ANO6: variants seen among roughly 807,000 people sequenced by gnomAD.
ANO6 encodes anoctamin-6.
In ANO6, 106 loss-of-function variants were observed where a neutral mutation model predicts 117.5. That is an observed-to-expected ratio of 0.90 (90% CI 0.77 to 1.06). The LOEUF (loss-of-function observed/expected upper bound fraction) is 1.06, where lower values mean the gene tolerates loss of function less well. ANO6 is among the 50% of genes least tolerant of loss of function. ANO6 has a pLI of 0.00. For synonymous variants in ANO6, 367 were observed against 385.1 expected (o/e 0.95, Z 0.55); for missense variants, 955 against 1,121.1 (o/e 0.85, Z 2.12).
rs533861715 is a variant in ANO6, at chr12:45,224,395, C to T, written c.70+8004C>T. Among the ~76,000 whole-genome samples the T allele has an allele frequency of 5.3e-5, 8 of 151,994 alleles. No homozygotes were observed. The South Asian group carries it at 1.2e-3, about 24-fold the overall frequency. On this transcript the variant is annotated intron_variant, in intron 1 of 19. Transcript: ENST00000320560. ...TGTGTACATATCATAAATATATACA[C>T]ATGTATAAATATGTATACATTATAT...
chr12:45,306,123 G>A (rs1262701930), intron 2 of ANO6, among the ~76,000 whole-genome samples: 1 of 152,166 alleles, frequency 6.6e-6, no homozygotes, highest in Admixed American at 6.6e-5. Context: ...AAATCAGGCT[G>A]TGGTCAACAT....
At chr12:45,298,886 C>T (rs551955980) in intron 1 of ANO6, among the ~76,000 whole-genome samples, 27 of 151,990 alleles carry the variant, frequency 1.8e-4, no homozygotes, top group Admixed American at 8.5e-4. Flanking sequence ...TTAGCAGCTC[C>T]GTCTGTTGAC....
At chr12:45,256,947 G>T (rs1259842507) in intron 1 of ANO6, among the ~76,000 whole-genome samples, 1 of 152,094 alleles carries the variant, frequency 6.6e-6, no homozygotes, top group Non-Finnish European at 1.5e-5. Context: ...GGTGGATAAA[G>T]CTCTGAGAGG....
At chr12:45,350,837 A>C (rs1331865603) in intron 7 of ANO6, 63 bp downstream of exon 7, 1 of 1,319,100 alleles carries the variant, frequency 7.6e-7, no homozygotes, top group Non-Finnish European at 1.1e-6. Flanking sequence ...ACAGCATCTG[A>C]ATGTGACAGT....
At chr12:45,308,094 A>AG (rs1939735050) in intron 2 of ANO6, among the ~76,000 whole-genome samples, 1 of 132,116 alleles carries the variant, frequency 7.6e-6, no homozygotes, top group African/African-American at 2.9e-5. Context: ...ACACAGAGAA[A>AG]AGGGGTAGTA....
chr12:45,221,744 A>C (rs1276259302), intron 1 of ANO6, among the ~76,000 whole-genome samples: 1 of 152,078 alleles, frequency 6.6e-6, no homozygotes, highest in Admixed American at 6.6e-5. Context: ...GTGGGTTCTC[A>C]GCTGCTGATT....
At chr12:45,297,065 G>A (rs934977313) in intron 1 of ANO6, among the ~76,000 whole-genome samples, 4 of 152,100 alleles carry the variant, frequency 2.6e-5, no homozygotes, top group Admixed American at 2.6e-4. Flanking sequence ...AATAAGCATT[G>A]CCAAGGATCA....
At chr12:45,300,835 C>T (rs1411814329) in intron 1 of ANO6, among the ~76,000 whole-genome samples, 1 of 152,214 alleles carries the variant, frequency 6.6e-6, no homozygotes, top group Non-Finnish European at 1.5e-5. Context: ...TTCTTTGCAT[C>T]TCATTTGTTT....
chr12:45,404,813 C>G, intron 15 of ANO6, among the ~76,000 whole-genome samples: 1 of 152,274 alleles, frequency 6.6e-6, no homozygotes, highest in Non-Finnish European at 1.5e-5. Context: ...TCTTTACAGG[C>G]TCTCGCCTCC....
chr12:45,303,621 G>A (rs554338422), intron 2 of ANO6, among the ~76,000 whole-genome samples: 1 of 152,130 alleles, frequency 6.6e-6, no homozygotes, highest in African/African-American at 2.4e-5. Flanking sequence ...GGCAAGTCTC[G>A]GCAGTTTGTT....
intron 1 of ANO6, among the ~76,000 whole-genome samples, chr12:45,242,656 G>C (rs889721372): frequency 6.6e-6 from 1 of 152,170 alleles, no homozygotes; most frequent in Non-Finnish European, 1.5e-5. Context: ...CTTCTGCATC[G>C]ATCACACTGG....
At chr12:45,371,569 C>A (rs1263318521) in intron 9 of ANO6, among the ~76,000 whole-genome samples, 1 of 152,070 alleles carries the variant, frequency 6.6e-6, no homozygotes, top group Non-Finnish European at 1.5e-5. Context: ...CCCCGAGCAG[C>A]CTAACTGGGA....
At chr12:45,344,173 T>C (rs11182988) in intron 3 of ANO6, among the ~76,000 whole-genome samples, 17,143 of 152,196 alleles carry the variant, frequency 0.11, 1,485 homozygotes, top group East Asian at 0.32. Context: ...GGTCACTGGA[T>C]GCTAAGTTTC....
chr12:45,377,556 C>T (rs970867883), intron 9 of ANO6, among the ~76,000 whole-genome samples: 4 of 152,142 alleles, frequency 2.6e-5, no homozygotes, highest in African/African-American at 7.2e-5. Flanking sequence ...AGAGCCACTT[C>T]GAGATAAACC....
At position 45,432,260 on chromosome 12, in the gene ANO6, ATTC is replaced by A. The variant is rs1022833063; in HGVS notation, c.*2952_*2954del. Reference sequence around the variant, plus strand: ...AATGTTAATTTCTGTGCATTTTAATATTCTTTTATAATTATTAATGTTAATTTC... The same window carrying A: ...AATGTTAATTTCTGTGCATTTTAATATTTTATAATTATTAATGTTAATTTC... On this transcript the variant is annotated 3_prime_UTR_variant, in exon 20 of 20. Transcript: ENST00000320560. The A allele has an allele frequency of 8.7e-5, 83 of 950,360 alleles. No homozygotes were observed. The highest frequency in any genetic ancestry group is 3.7e-4 in the Admixed American group (6 of 16,038). 58.9% of individuals were successfully genotyped at this position (950,360 alleles called of 1,614,324 possible). A position where few individuals can be genotyped will look rare whatever the true frequency, so the allele number is the denominator to read the frequency against.
chr12:45,385,542 G>A (rs1343902677), intron 10 of ANO6, among the ~76,000 whole-genome samples: 2 of 152,096 alleles, frequency 1.3e-5, no homozygotes, highest in Admixed American at 6.6e-5. Context: ...TGGCTCATGG[G>A]TGGCTCATTC....
intron 15 of ANO6, among the ~76,000 whole-genome samples, chr12:45,404,696 A>C: frequency 6.8e-6 from 1 of 147,640 alleles, no homozygotes; most frequent in Non-Finnish European, 1.5e-5. Context: ...TCCTCCTCTC[A>C]TCTCCCCCAC....
At chr12:45,257,415 A>G (rs1407971399) in intron 1 of ANO6, among the ~76,000 whole-genome samples, 1 of 152,152 alleles carries the variant, frequency 6.6e-6, no homozygotes, top group Non-Finnish European at 1.5e-5. Flanking sequence ...AGCATAGAGT[A>G]GGCACTTGGA....
At chr12:45,346,369 T>C (rs1478962931) in intron 3 of ANO6, among the ~76,000 whole-genome samples, 1 of 152,188 alleles carries the variant, frequency 6.6e-6, no homozygotes, top group African/African-American at 2.4e-5. Context: ...GAATTTAATA[T>C]CCATAAGTGT....
Sources: gnomAD v4.1 joint callset for allele counts (sites outside exome capture counted in the v4.1 genomes callset) on GRCh38, gnomAD v4.1.1 for gene constraint, MANE v1.5 for transcripts, NCBI Gene and HGNC (gene_info 2026-07-23, HGNC 2026-07-21) for gene names.